CYP2A13: variants seen among roughly 807,000 people sequenced by gnomAD.
The protein encoded by CYP2A13 is cytochrome P450 family 2 subfamily A member 13.
In CYP2A13, 30 loss-of-function variants were observed where a neutral mutation model predicts 39.4. That is an observed-to-expected ratio of 0.76 (90% CI 0.57 to 1.03). The LOEUF (loss-of-function observed/expected upper bound fraction) is 1.03, where lower values mean the gene tolerates loss of function less well. Ranked by LOEUF, CYP2A13 falls within the 50% of genes least tolerant of loss-of-function variation. The pLI is 0.00. For missense variants in CYP2A13, 731 were observed against 648.4 expected (o/e 1.13, Z -1.38); for synonymous variants, 269 against 254.7 (o/e 1.06, Z -0.54).
rs2031257607 is a variant in CYP2A13, at chr19:41,094,416, A to T, written c.1145A>T (p.Asp382Val). The T allele has an allele frequency of 1.9e-6, 3 of 1,613,806 alleles. No homozygotes were observed. Among genetic ancestry groups the T allele is most frequent in the Non-Finnish European group, 2.5e-6 (3 of 1,179,930 alleles). Residue 382 changes from aspartate to valine, a missense_variant, in exon 7 of 9, where the codon GAT becomes GTT. Coordinates refer to ENST00000330436, the MANE Select transcript of CYP2A13 (RefSeq NM_000766.5). ...GTCAACAAGGACACCAAGTTTCGGG[A>T]TTTCTTCCTCCCTAAGGTGCTGTCT... ...HRVNKDTKFR[D>V]FFLPKGTEVF...
chr19:41,094,853 GC>G, intron 7 of CYP2A13, 105 bp from the exon 8 acceptor site: 2 of 1,319,492 alleles, frequency 1.5e-6, no homozygotes, highest in Non-Finnish European at 2.1e-6. Flanking sequence ...CTCCATGCCT[GC>G]CACTCCCCTC....
Position 41,088,581 on chromosome 19 carries a change from C to T in CYP2A13, c.110C>T (p.Pro37Leu). ...AGCAGGGGGAAGCTGCCTCCGGGAC[C>T]CACCCCATTGCCCTTCATTGGAAAC... ...RKSRGKLPPGPTPLPFIGNYL... is the reference protein window; with the variant it reads ...RKSRGKLPPGLTPLPFIGNYL... The change falls in exon 1 of 9, where the codon CCC becomes CTC. Residue 37 changes from proline (P) to leucine (L), a missense_variant. Coordinates refer to ENST00000330436, the MANE Select transcript of CYP2A13 (RefSeq NM_000766.5). 6.2e-7 allele frequency: 1 copy of T among 1,613,968 alleles called. No individual in the cohort carries two copies. Among genetic ancestry groups the T allele is most frequent in the East Asian group, 2.2e-5 (1 of 44,878 alleles).
chr19:41,090,948 T>C (rs1356924590), intron 4 of CYP2A13, among the ~76,000 whole-genome samples: 1 of 152,224 alleles, frequency 6.6e-6, no homozygotes, highest in Non-Finnish European at 1.5e-5. Flanking sequence ...CCTGCATACC[T>C]GAACACCTGG....
Position 41,096,181 on chromosome 19 carries a change from C to A in CYP2A13, c.*240C>A, listed in dbSNP as rs2031307854. 3 of 613,870 alleles carry A rather than the reference C, an allele frequency of 4.9e-6. No homozygotes were observed. The highest frequency in any genetic ancestry group is 6.2e-5 in the Admixed American group (2 of 32,190). 38.0% of individuals were successfully genotyped at this position (613,870 alleles called of 1,614,324 possible). On this transcript the variant is annotated 3_prime_UTR_variant, in exon 9 of 9. Transcript: ENST00000330436. ...CTACAAAGAGTAGTAATAATAGCAG[C>A]TCTTATTTCCTGAACAAGTACCTCC...
chr19:41,088,863 T>A, intron 1 of CYP2A13, 66 bp from the exon 2 acceptor site: 1 of 1,596,022 alleles, frequency 6.3e-7, no homozygotes, highest in African/African-American at 1.3e-5. Flanking sequence ...GTACATGATA[T>A]CTCAGTGCTG....
rs749123533 is a variant in CYP2A13 at position 41,094,477 on chromosome 19, C to T, written c.1161+45C>T. On this transcript the variant is annotated intron_variant, in intron 7 of 8. Coordinates refer to ENST00000330436, the MANE Select transcript of CYP2A13 (RefSeq NM_000766.5). ...ACCACCACTCAGACTACGGGGACTT[C>T]CAGCCTCTCTCTGTGTCCCCAGAAT... is the stretch of plus-strand genomic sequence containing the variant. 16 of 1,606,094 alleles carry T rather than the reference C, an allele frequency of 1.0e-5. No individual in the cohort carries two copies. The South Asian group carries it at 1.2e-4, about 12-fold the overall frequency.
chr19:41,088,570 G>C lies in CYP2A13; in HGVS notation c.99G>C (p.Leu33=), dbSNP rs143875391. The change falls in exon 1 of 9, where the codon CTG becomes CTC. Residue 33 remains leucine, a synonymous_variant. Transcript: ENST00000330436. The part of the protein sequence containing the change: ...VWRQRKSRGK[L]PPGPTPLPFI... Reference sequence around the variant, plus strand: ...GGCAGAGGAAGAGCAGGGGGAAGCTGCCTCCGGGACCCACCCCATTGCCCT... The same window carrying C: ...GGCAGAGGAAGAGCAGGGGGAAGCTCCCTCCGGGACCCACCCCATTGCCCT... 261 of 1,613,926 alleles carry C rather than the reference G, an allele frequency of 1.6e-4. No homozygotes were observed. Among genetic ancestry groups the C allele is most frequent in the Non-Finnish European group, 2.1e-4 (246 of 1,179,934 alleles).
rs202218822 is a variant in CYP2A13, at chr19:41,095,020, C to T, written c.1223C>T (p.Pro408Leu). The change falls in exon 8 of 9, where the codon CCC becomes CTC. Residue 408 changes from proline (P) to leucine (L), a missense_variant. Physicochemically the swap from Pro to Leu is moderately conservative, Grantham distance 98 (BLOSUM62 -3). Transcript: ENST00000330436. ...VLRDPRFFSN[P>L]RDFNPQHFLD... ...AGAGACCCCAGGTTCTTCTCCAACC[C>T]CCGGGACTTCAATCCCCAGCACTTC... The T allele has an allele frequency of 1.6e-4, 261 of 1,614,034 alleles. 1 individual carries two copies. Among genetic ancestry groups the T allele is most frequent in the Admixed American group, 1.0e-4 (6 of 59,990 alleles).
rs544596685 is a variant in CYP2A13 at position 41,093,712 on chromosome 19, C to T, written c.914C>T (p.Thr305Ile). 5.6e-6 allele frequency: 9 copies of T among 1,614,088 alleles called. No individual in the cohort carries two copies. The Middle Eastern group carries it at 4.9e-4, about 89-fold the overall frequency. Residue 305 changes from threonine (T) to isoleucine (I), a missense_variant, in exon 6 of 9, where the codon ACC (threonine) becomes ATC (isoleucine). Thr to Ile is a moderately conservative substitution (Grantham distance 89, BLOSUM62 -1). Coordinates refer to ENST00000330436, the MANE Select transcript of CYP2A13 (RefSeq NM_000766.5). ...TLNLFFAGTE[T>I]VSTTLRYGFL... The stretch of plus-strand genomic sequence containing the variant: ...AACCTCTTCTTTGCGGGCACTGAGA[C>T]CGTGAGCACCACCCTGCGCTACGGT...
At chr19:41,089,382 T>A (rs1378941877) in intron 2 of CYP2A13, among the ~76,000 whole-genome samples, 1 of 152,076 alleles carries the variant, frequency 6.6e-6, no homozygotes, top group Non-Finnish European at 1.5e-5. Context: ...GGGTTTCTGT[T>A]TTCCAGCCCT....
At chr19:41,091,593 A>G in intron 4 of CYP2A13, 139 bp from the exon 5 acceptor site, 1 of 1,327,280 alleles carries the variant, frequency 7.5e-7, no homozygotes, top group Non-Finnish European at 1.0e-6. Context: ...TTTCCATCCA[A>G]CCCCACTGAA....
rs375247458 is a variant in CYP2A13, at chr19:41,093,679, C to T, written c.881C>T (p.Thr294Ile). 13 of 1,614,026 alleles carry T rather than the reference C, an allele frequency of 8.1e-6. No homozygotes were observed. The highest frequency in any genetic ancestry group is 1.1e-5 in the Non-Finnish European group (13 of 1,180,042). The change falls in exon 6 of 9, where the codon ACC becomes ATC. Residue 294 changes from threonine (T) to isoleucine (I), a missense_variant. Transcript: ENST00000330436. The stretch of plus-strand genomic sequence containing the variant: ...TTCTACTTGAAGAACCTGGTGATGA[C>T]CACCCTGAACCTCTTCTTTGCGGGC... Reference protein sequence around the residue: ...TEFYLKNLVMTTLNLFFAGTE... With the variant: ...TEFYLKNLVMITLNLFFAGTE...
intron 5 of CYP2A13, 67 bp downstream of exon 5, chr19:41,091,975 G>A: frequency 6.3e-7 from 1 of 1,591,026 alleles, no homozygotes; most frequent in Non-Finnish European, 8.6e-7. Flanking sequence ...TGGGAGTGGG[G>A]TGGGCAGACG....
At position 41,093,717 on chromosome 19, in the gene CYP2A13, A is replaced by T. The variant is rs753733432; in HGVS notation, c.919A>T (p.Ser307Cys). 2.5e-6 allele frequency: 4 copies of T among 1,614,090 alleles called. No individual in the cohort carries two copies. The highest frequency in any genetic ancestry group is 2.5e-6 in the Non-Finnish European group (3 of 1,180,030). ...NLFFAGTETV[S>C]TTLRYGFLLL... The stretch of plus-strand genomic sequence containing the variant: ...CTTCTTTGCGGGCACTGAGACCGTG[A>T]GCACCACCCTGCGCTACGGTTTCCT... Residue 307 changes from serine to cysteine, a missense_variant, in exon 6 of 9, where the codon AGC (serine) becomes TGC (cysteine). Ser to Cys is a moderately radical substitution (Grantham distance 112). Coordinates refer to ENST00000330436, the MANE Select transcript of CYP2A13 (RefSeq NM_000766.5).
At chr19:41,094,872 G>A (rs2031267417) in intron 7 of CYP2A13, 87 bp from the exon 8 acceptor site, 4 of 1,513,496 alleles carry the variant, frequency 2.6e-6, no homozygotes, top group African/African-American at 2.7e-5. Context: ...CTCACCTGGG[G>A]CACCCTAGTT....
rs1219418251 is a variant in CYP2A13, at chr19:41,091,812, G to A, written c.735G>A (p.Glu245=). 1 of 1,614,176 alleles carries A rather than the reference G, an allele frequency of 6.2e-7. No homozygotes were observed. Among genetic ancestry groups the A allele is most frequent in the South Asian group, 1.1e-5 (1 of 91,088 alleles). ...QQAFKELQGL[E]DFIAKKVEHN... is the part of the protein sequence containing the mutation. ...CCTTTAAGGAGCTGCAAGGGCTGGA[G>A]GACTTCATCGCCAAGAAGGTGGAGC... The change falls in exon 5 of 9, where the codon GAG becomes GAA. Residue 245 remains glutamate, a synonymous_variant. Transcript: ENST00000330436.
At chr19:41,090,287 C>A in intron 3 of CYP2A13, 91 bp downstream of exon 3, 2 of 1,572,742 alleles carry the variant, frequency 1.3e-6, no homozygotes, top group South Asian at 1.2e-5. Context: ...GCACTTCCAG[C>A]CCTGGAGTCT....
At chr19:41,089,235 G>T in intron 2 of CYP2A13, 144 bp downstream of exon 2, 1 of 1,439,312 alleles carries the variant, frequency 6.9e-7, no homozygotes, top group Non-Finnish European at 9.3e-7. Flanking sequence ...CCTTCATCGT[G>T]GCCTCTCCCT....
intron 6 of CYP2A13, 114 bp from the exon 7 acceptor site, chr19:41,094,131 G>C: frequency 2.0e-6 from 3 of 1,475,914 alleles, no homozygotes; most frequent in South Asian, 1.3e-5. Flanking sequence ...GTTATGAATG[G>C]TCTACCTCCG....
Sources: gnomAD v4.1 joint callset for allele counts (sites outside exome capture counted in the v4.1 genomes callset) on GRCh38, gnomAD v4.1.1 for gene constraint, MANE v1.5 for transcripts, NCBI Gene and HGNC (gene_info 2026-07-23, HGNC 2026-07-21) for gene names.